DSCAM: variants seen among roughly 807,000 people sequenced by gnomAD.
The protein encoded by DSCAM is DS cell adhesion molecule, also known as cell adhesion molecule DSCAM.
In DSCAM, 47 loss-of-function variants were observed where a neutral mutation model predicts 217.7. The ratio of observed to expected loss-of-function variants is 0.22; its 90% confidence interval spans 0.17 to 0.28. The LOEUF is 0.28. DSCAM is among the 10% of genes least tolerant of loss of function. DSCAM has a pLI of 1.00. For missense variants in DSCAM, 2,080 were observed against 2,618.3 expected (o/e 0.79, Z 4.49); for synonymous variants, 1,056 against 1,015.3 (o/e 1.04, Z -0.76).
chr21:40,279,830 G>A (rs1392670356), intron 10 of DSCAM, among the ~76,000 whole-genome samples: 1 of 152,060 alleles, frequency 6.6e-6, no homozygotes, highest in Non-Finnish European at 1.5e-5. Flanking sequence ...GATGAAACTG[G>A]AAATCATCAT....
intron 3 of DSCAM, among the ~76,000 whole-genome samples, chr21:40,369,696 T>C (rs994547592): frequency 6.6e-6 from 1 of 152,104 alleles, no homozygotes; most frequent in East Asian, 1.9e-4. Flanking sequence ...GTATAAACTT[T>C]TGCCTCAGTT....
intron 3 of DSCAM, among the ~76,000 whole-genome samples, chr21:40,645,895 A>T (rs2146349268): frequency 6.6e-6 from 1 of 152,350 alleles, no homozygotes; most frequent in African/African-American, 2.4e-5. Flanking sequence ...GGACATCAAA[A>T]ATATTTCCTC....
intron 6 of DSCAM, among the ~76,000 whole-genome samples, chr21:40,342,587 A>C (rs2074504942): frequency 6.9e-6 from 1 of 145,888 alleles, no homozygotes; most frequent in Admixed American, 6.8e-5. Flanking sequence ...AATTTGTTGA[A>C]AAGGTACATA....
intron 8 of DSCAM, among the ~76,000 whole-genome samples, chr21:40,317,190 C>T (rs1038523221): frequency 1.3e-5 from 2 of 152,140 alleles, no homozygotes; most frequent in East Asian, 1.9e-4. Flanking sequence ...GTTTCTAGTC[C>T]GGGGTATACC....
intron 8 of DSCAM, among the ~76,000 whole-genome samples, chr21:40,334,041 T>C (rs545768960): frequency 2.0e-4 from 31 of 152,292 alleles, no homozygotes; most frequent in African/African-American, 7.5e-4. Context: ...TTGTCAGACT[T>C]TATTTTCAGA....
chr21:40,724,212 G>A (rs1367376886), intron 1 of DSCAM, among the ~76,000 whole-genome samples: 1 of 152,178 alleles, frequency 6.6e-6, no homozygotes, highest in Non-Finnish European at 1.5e-5. Context: ...CAAAAGGCAT[G>A]AAAGTGGCTA....
intron 11 of DSCAM, among the ~76,000 whole-genome samples, chr21:40,254,311 A>G (rs1377818188): frequency 6.6e-6 from 1 of 151,552 alleles, no homozygotes; most frequent in African/African-American, 2.5e-5. Flanking sequence ...GGAGGGTGGA[A>G]TATCACAGTT....
chr21:40,709,020 ATTGT>A (rs920858051), intron 1 of DSCAM, among the ~76,000 whole-genome samples: 11 of 152,278 alleles, frequency 7.2e-5, no homozygotes, highest in African/African-American at 2.6e-4. Flanking sequence ...TTTTTAATAG[ATTGT>A]TTTTTTGCCT....
rs966417749 is a variant in DSCAM, at chr21:40,011,448, G to A, written c.*1586C>T. On this transcript the variant is annotated 3_prime_UTR_variant, in exon 33 of 33. Coordinates refer to ENST00000400454, the MANE Select transcript of DSCAM (RefSeq NM_001389.5). ...GTCTATGTTGGTGGCCTTAATGGAA[G>A]CCTGTAGAGAATCTTCAGCCTGGGA... The A allele has an allele frequency of 2.0e-5, 3 of 152,224 alleles. No homozygotes were observed. Among genetic ancestry groups the A allele is most frequent in the African/African-American group, 7.2e-5 (3 of 41,454 alleles). The allele number at this position is 152,224 out of a possible 1,614,324, so 9.4% of individuals were successfully genotyped here.
intron 1 of DSCAM, among the ~76,000 whole-genome samples, chr21:40,772,510 G>A (rs954453234): frequency 6.6e-6 from 1 of 152,096 alleles, no homozygotes; most frequent in African/African-American, 2.4e-5. Flanking sequence ...CTCAGTTATA[G>A]GCATGTCAGA....
At chr21:40,807,620 T>C (rs1401969263) in intron 1 of DSCAM, among the ~76,000 whole-genome samples, 1 of 152,190 alleles carries the variant, frequency 6.6e-6, no homozygotes, top group Non-Finnish European at 1.5e-5. Flanking sequence ...TATTCATTTA[T>C]AGCAACTGAC....
At chr21:40,723,432 C>T (rs1332092449) in intron 1 of DSCAM, among the ~76,000 whole-genome samples, 1 of 152,114 alleles carries the variant, frequency 6.6e-6, no homozygotes, top group African/African-American at 2.4e-5. Context: ...TACTAGACAC[C>T]GTGTCCTACC....
At chr21:40,404,812 C>A (rs149140404) in intron 3 of DSCAM, among the ~76,000 whole-genome samples, 1 of 152,184 alleles carries the variant, frequency 6.6e-6, no homozygotes, top group African/African-American at 2.4e-5. Flanking sequence ...ACTCCTGGCA[C>A]TGTTTGCTTC....
intron 3 of DSCAM, among the ~76,000 whole-genome samples, chr21:40,484,776 T>TGGC (rs2076011030): frequency 3.3e-5 from 5 of 152,188 alleles, no homozygotes; most frequent in African/African-American, 1.2e-4. Context: ...TTACCTGTTT[T>TGGC]ATACAGGGAG....
intron 3 of DSCAM, among the ~76,000 whole-genome samples, chr21:40,566,402 G>A (rs993493922): frequency 3.3e-5 from 5 of 152,174 alleles, no homozygotes; most frequent in African/African-American, 1.2e-4. Flanking sequence ...AGACATTGCT[G>A]AACTTTTGAC....
intron 9 of DSCAM, among the ~76,000 whole-genome samples, chr21:40,299,390 TGTGA>T (rs1415812017): frequency 6.6e-6 from 1 of 152,160 alleles, no homozygotes; most frequent in African/African-American, 2.4e-5. Flanking sequence ...AAAGTGAACT[TGTGA>T]GTTACAATAA....
chr21:40,317,023 CT>C, intron 8 of DSCAM, among the ~76,000 whole-genome samples: 1 of 152,190 alleles, frequency 6.6e-6, no homozygotes, highest in Non-Finnish European at 1.5e-5. Context: ...GCGATTCTAT[CT>C]CTTCATGTGT....
At chr21:40,813,645 G>GTT (rs869088003) in intron 1 of DSCAM, among the ~76,000 whole-genome samples, 157 of 126,492 alleles carry the variant, frequency 1.2e-3, no homozygotes, top group African/African-American at 4.3e-3. Flanking sequence ...TTTCTTTCTT[G>GTT]TTTTTTTTTT....
At chr21:40,664,363 C>T (rs1013023042) in intron 3 of DSCAM, among the ~76,000 whole-genome samples, 3 of 152,162 alleles carry the variant, frequency 2.0e-5, no homozygotes, top group African/African-American at 7.2e-5. Context: ...TGTGAGTTTG[C>T]TACCTTGCAA....
Sources: gnomAD v4.1 joint callset for allele counts (sites outside exome capture counted in the v4.1 genomes callset) on GRCh38, gnomAD v4.1.1 for gene constraint, MANE v1.5 for transcripts, NCBI Gene and HGNC (gene_info 2026-07-23, HGNC 2026-07-21) for gene names.